Variants in ADGRB2 observed in about 807,000 individuals in gnomAD.
ADGRB2 encodes brain-specific angiogenesis inhibitor 2.
ADGRB2 carries 47 observed loss-of-function variants against 178.7 expected under a neutral mutation model. That is an observed-to-expected ratio of 0.26 (90% confidence interval 0.21 to 0.34). The LOEUF (loss-of-function observed/expected upper bound fraction) is 0.34. ADGRB2 is among the 10% of genes least tolerant of loss of function. The pLI is 1.00. For missense variants in ADGRB2, 1,584 were observed against 2,180.8 expected (o/e 0.73, Z 5.45); for synonymous variants, 870 against 912.4 (o/e 0.95, Z 0.84).
chr1:31,744,556 C>T lies in ADGRB2; in HGVS notation c.922+92G>A. On this transcript the variant is annotated intron_variant, in intron 5 of 32. Coordinates refer to ENST00000373658, the MANE Select transcript of ADGRB2 (RefSeq NM_001364857.2). The surrounding 1 kb of genome is among the most constrained non-coding windows in gnomAD (Gnocchi z 6.7). ...GCACAGACGCGACTGAACTGCAGGA[C>T]AGAGACAGACAGGCACACACCAAGC... 1 of 1,504,384 alleles carries T rather than the reference C, an allele frequency of 6.6e-7. No homozygotes were observed. Among genetic ancestry groups the T allele is most frequent in the Non-Finnish European group, 9.1e-7 (1 of 1,099,792 alleles). The allele number at this position is 1,504,384 out of a possible 1,614,324, so 93.2% of individuals were successfully genotyped here. A position where few individuals can be genotyped will look rare whatever the true frequency, so the allele number is the denominator to read the frequency against.
In ADGRB2 at chr1:31,736,681, G is replaced by C. The variant is rs1396755720; in HGVS notation, c.3022C>G (p.Leu1008Val). 1 of 1,614,132 alleles carries C rather than the reference G, an allele frequency of 6.2e-7. No homozygotes were observed. The highest frequency in any genetic ancestry group is 1.7e-5 in the Admixed American group (1 of 60,032). Residue 1008 changes from leucine to valine, a missense_variant, in exon 21 of 33, where the codon CTC (leucine) becomes GTC (valine). This residue lies in a region of ADGRB2 where 865 missense variants were observed against 1,192.8 expected (regional missense o/e 0.73). Transcript: ENST00000373658. ...MTAAFLHFFFLSSFCWVLTEA... is the reference protein window; with the variant it reads ...MTAAFLHFFFVSSFCWVLTEA... ...GTAAGCACCCAGCAAAAGGAGGAGAGAAAGAAGAAGTGCAGGAAGGCAGCC... is the reference window on the plus strand; with the variant it reads ...GTAAGCACCCAGCAAAAGGAGGAGACAAAGAAGAAGTGCAGGAAGGCAGCC...
chr1:31,734,347 G>GA (rs1410022275), intron 25 of ADGRB2, among the ~76,000 whole-genome samples: 1 of 152,240 alleles, frequency 6.6e-6, no homozygotes, highest in Non-Finnish European at 1.5e-5. Context: ...GCTGGGCAGG[G>GA]AGAGGCACAG....
At position 31,734,128 on chromosome 1, in the gene ADGRB2, T is replaced by G. The variant is rs949972100; in HGVS notation, c.3453-985A>C. Among the ~76,000 whole-genome samples, 4 of 152,268 alleles carry G rather than the reference T, an allele frequency of 2.6e-5. No individual in the cohort carries two copies. The South Asian group carries it at 6.2e-4, about 24-fold the overall frequency. On this transcript the variant is annotated intron_variant, in intron 25 of 32. Transcript: ENST00000373658. Reference sequence around the variant, plus strand: ...TCAGCCTGGCAGGGGGCAGGCACAATGGACTCTGAAGTCCCCGGAGGTGTA... The same window carrying G: ...TCAGCCTGGCAGGGGGCAGGCACAAGGGACTCTGAAGTCCCCGGAGGTGTA...
rs1240237867 is a variant in ADGRB2 at position 31,759,561 on chromosome 1, C to A, written c.-190-2050G>T. 1.0e-5 allele frequency: 6 copies of A among 600,278 alleles called. No individual in the cohort carries two copies. The highest frequency in any genetic ancestry group is 7.4e-5 in the African/African-American group (4 of 53,904). 37.2% of individuals were successfully genotyped at this position (600,278 alleles called of 1,614,324 possible). A position where few individuals can be genotyped will look rare whatever the true frequency, so the allele number is the denominator to read the frequency against. The stretch of plus-strand genomic sequence containing the variant: ...AACCCAATCCAACCCCCCTCCTCCC[C>A]TCAGTCTCCTTCAGACACCTTCACG... On this transcript the variant is annotated intron_variant, in intron 1 of 32. Transcript: ENST00000373658. The surrounding 1 kb of genome is among the most constrained non-coding windows in gnomAD (Gnocchi z 4.3).
chr1:31,752,998 G>A (rs1214212792), intron 4 of ADGRB2, among the ~76,000 whole-genome samples: 1 of 152,152 alleles, frequency 6.6e-6, no homozygotes, highest in Non-Finnish European at 1.5e-5. Flanking sequence ...TAGGGATTGT[G>A]GCCAAGGAGA....
chr1:31,735,161 C>T lies in ADGRB2; in HGVS notation c.3452+22G>A. The T allele has an allele frequency of 7.0e-7, 1 of 1,420,042 alleles. No individual in the cohort carries two copies. Among genetic ancestry groups the T allele is most frequent in the Non-Finnish European group, 9.2e-7 (1 of 1,082,512 alleles). The allele number at this position is 1,420,042 out of a possible 1,614,324, so 88.0% of individuals were successfully genotyped here. Reference sequence around the variant, plus strand: ...TCCTTTGCCCCACCCACCCCCACCGCCCCCCAGGGGGCACGACTAACATGG... The same window carrying T: ...TCCTTTGCCCCACCCACCCCCACCGTCCCCCAGGGGGCACGACTAACATGG... On this transcript the variant is annotated intron_variant, in intron 25 of 32. Transcript: ENST00000373658. The surrounding 1 kb of genome is among the most constrained non-coding windows in gnomAD (Gnocchi z 6.0).
chr1:31,736,450 C>T (rs1387099275), intron 21 of ADGRB2, 60 bp from the exon 22 acceptor site: 1 of 1,607,126 alleles, frequency 6.2e-7, no homozygotes, highest in Non-Finnish European at 8.5e-7. Context: ...CCCTTGTTCT[C>T]CCAGACTCCC....
rs10157350 is a variant in ADGRB2, at chr1:31,728,405, C to A, written c.4417-125G>T. ...GCTGCCAGCCCCTCTGGGACAAGAC[C>A]TAGTTCTCTCTTCACGTTGGTGCTA... On this transcript the variant is annotated intron_variant, in intron 30 of 32. Coordinates refer to ENST00000373658, the MANE Select transcript of ADGRB2 (RefSeq NM_001364857.2). The surrounding 1 kb of genome is among the most constrained non-coding windows in gnomAD (Gnocchi z 6.7). 1.6e-6 allele frequency: 2 copies of A among 1,233,104 alleles called. No homozygotes were observed. The highest frequency in any genetic ancestry group is 2.3e-6 in the Non-Finnish European group (2 of 857,770). The allele number at this position is 1,233,104 out of a possible 1,614,324, so 76.4% of individuals were successfully genotyped here.
At chr1:31,743,831 G>T (rs1044507779) in intron 6 of ADGRB2, among the ~76,000 whole-genome samples, 23 of 152,254 alleles carry the variant, frequency 1.5e-4, no homozygotes, top group Admixed American at 1.2e-3. Context: ...AATAGCCAAG[G>T]TCAGGGAGAA....
chr1:31,732,414 C>T, intron 27 of ADGRB2, 103 bp downstream of exon 27: 1 of 1,404,898 alleles, frequency 7.1e-7, no homozygotes, highest in Non-Finnish European at 9.9e-7. Flanking sequence ...CAATCCCTGT[C>T]CCAACCCTGC....
rs1476687099 is a variant in ADGRB2, at chr1:31,737,545, G to A, written c.2877-14C>T. ...GATTTTATGAACCTGCCGGGGCACA[G>A]CAGGCAGGGACAGAGGCGCTGGCTG... is the stretch of plus-strand genomic sequence containing the variant. On this transcript the variant is annotated splice_polypyrimidine_tract_variant and intron_variant, in intron 19 of 32. Transcript: ENST00000373658. The A allele has an allele frequency of 6.2e-7, 1 of 1,613,080 alleles. No homozygotes were observed. Among genetic ancestry groups the A allele is most frequent in the Admixed American group, 1.7e-5 (1 of 60,024 alleles).
At chr1:31,738,074 T>C (rs1645724552) in intron 18 of ADGRB2, 126 bp downstream of exon 18, 1 of 1,390,258 alleles carries the variant, frequency 7.2e-7, no homozygotes, top group African/African-American at 1.4e-5. Flanking sequence ...CCACGTACAA[T>C]CCCACAAGCG....
chr1:31,756,126 TGTG>T lies in ADGRB2; in HGVS notation c.708_710del (p.Thr237del), dbSNP rs756009426. ...TGTGGGCAGCAGGAGGGCCTGGAGA[TGTG>T]GTGGTGGTGGAGCCGGCCCCCGCCT... On this transcript the variant is annotated inframe_deletion, in exon 4 of 33. Coordinates refer to ENST00000373658, the MANE Select transcript of ADGRB2 (RefSeq NM_001364857.2). The surrounding 1 kb of genome is among the most constrained non-coding windows in gnomAD (Gnocchi z 8.5). 1 of 1,613,596 alleles carries T rather than the reference TGTG, an allele frequency of 6.2e-7. No individual in the cohort carries two copies. The highest frequency in any genetic ancestry group is 2.2e-5 in the East Asian group (1 of 44,838).
Position 31,759,464 on chromosome 1 carries a change from G to A in ADGRB2, c.-190-1953C>T, listed in dbSNP as rs1317782465. The A allele has an allele frequency of 4.2e-5, 31 of 741,174 alleles. No individual in the cohort carries two copies. Among genetic ancestry groups the A allele is most frequent in the South Asian group, 1.0e-4 (7 of 69,676 alleles). 45.9% of individuals were successfully genotyped at this position (741,174 alleles called of 1,614,324 possible). On this transcript the variant is annotated intron_variant, in intron 1 of 32. Coordinates refer to ENST00000373658, the MANE Select transcript of ADGRB2 (RefSeq NM_001364857.2). This position sits in a 1 kb window ranked among gnomAD's most constrained non-coding sequence, Gnocchi z 4.3. ...CTGCTGCTCCCTACTCCACAGCCCC[G>A]CCCCATCAAGAAGCACAAGGTCCAC...
At position 31,735,124 on chromosome 1, in the gene ADGRB2, G is replaced by C; in HGVS notation, c.3452+59C>G. 5.7e-6 allele frequency: 5 copies of C among 878,096 alleles called. No homozygotes were observed. The highest frequency in any genetic ancestry group is 2.3e-5 in the South Asian group (1 of 43,534). 54.4% of individuals were successfully genotyped at this position (878,096 alleles called of 1,614,324 possible). On this transcript the variant is annotated intron_variant, in intron 25 of 32. Transcript: ENST00000373658. The surrounding 1 kb of genome is among the most constrained non-coding windows in gnomAD (Gnocchi z 6.0). ...TCCTCCTCCCCCCACCATGGGCACTGCCCCCCCCAATTCCTTTGCCCCACC... is the reference window on the plus strand; with the variant it reads ...TCCTCCTCCCCCCACCATGGGCACTCCCCCCCCCAATTCCTTTGCCCCACC...
chr1:31,728,514 C>T lies in ADGRB2; in HGVS notation c.4416+84G>A, dbSNP rs541548786. 7 of 1,592,192 alleles carry T rather than the reference C, an allele frequency of 4.4e-6. No individual in the cohort carries two copies. Among genetic ancestry groups the T allele is most frequent in the East Asian group, 2.2e-5 (1 of 44,748 alleles). On this transcript the variant is annotated intron_variant, in intron 30 of 32. Coordinates refer to ENST00000373658, the MANE Select transcript of ADGRB2 (RefSeq NM_001364857.2). The surrounding 1 kb of genome is among the most constrained non-coding windows in gnomAD (Gnocchi z 6.7). ...CCTGGGGTCAGGCTCTGCAACAGAG[C>T]TTGGACTACTTTTAGGAGTGAGCCC...
At position 31,740,100 on chromosome 1, in the gene ADGRB2, T is replaced by C; in HGVS notation, c.2058+10A>G. 6.2e-7 allele frequency: 1 copy of C among 1,614,120 alleles called. No homozygotes were observed. Among genetic ancestry groups the C allele is most frequent in the Non-Finnish European group, 8.5e-7 (1 of 1,180,006 alleles). The stretch of plus-strand genomic sequence containing the variant: ...TCACGGGAGGAGAAGCTGGCAGCTG[T>C]GCCCCGCACCTGCTGAGCATCGTCC... On this transcript the variant is annotated intron_variant, in intron 13 of 32. Coordinates refer to ENST00000373658, the MANE Select transcript of ADGRB2 (RefSeq NM_001364857.2). The surrounding 1 kb of genome is among the most constrained non-coding windows in gnomAD (Gnocchi z 5.9).
intron 25 of ADGRB2, among the ~76,000 whole-genome samples, chr1:31,734,725 C>T (rs1645478742): frequency 6.6e-6 from 1 of 152,174 alleles, no homozygotes; most frequent in Non-Finnish European, 1.5e-5. Context: ...AGATTCAATG[C>T]CTCTGAAATG....
rs951400666 is a variant in ADGRB2, at chr1:31,735,750, G to A, written c.3267+77C>T. 24 of 1,578,462 alleles carry A rather than the reference G, an allele frequency of 1.5e-5. No homozygotes were observed. The highest frequency in any genetic ancestry group is 1.7e-4 in the Middle Eastern group (1 of 5,940). On this transcript the variant is annotated intron_variant, in intron 23 of 32. Coordinates refer to ENST00000373658, the MANE Select transcript of ADGRB2 (RefSeq NM_001364857.2). The surrounding 1 kb of genome is among the most constrained non-coding windows in gnomAD (Gnocchi z 6.0). ...GAAATCCCCATGTGGGAGCTGGAGC[G>A]CAGGGAGGAGGTAGAGGGAGAAACA...
Sources: gnomAD v4.1 joint callset for allele counts (sites outside exome capture counted in the v4.1 genomes callset) on GRCh38, gnomAD v4.1.1 for gene constraint, gnomAD v4.1.1 regional missense constraint, Gnocchi (gnomAD v3.1) non-coding constraint, MANE v1.5 for transcripts, NCBI Gene and HGNC (gene_info 2026-07-23, HGNC 2026-07-21) for gene names.